SMYD3: variants seen among roughly 807,000 people sequenced by gnomAD.
The protein encoded by SMYD3 is SET and MYND domain containing 3, also known as histone-lysine N-methyltransferase SMYD3.
In SMYD3, 36 loss-of-function variants were observed where a neutral mutation model predicts 57.7. That is an observed-to-expected ratio of 0.62 (90% CI 0.48 to 0.82). SMYD3 has a LOEUF of 0.82. Ranked by LOEUF, SMYD3 falls within the 40% of genes least tolerant of loss-of-function variation. SMYD3 has a pLI of 0.00. For missense variants in SMYD3, 515 were observed against 538.8 expected (o/e 0.96, Z 0.44); for synonymous variants, 211 against 195.0 (o/e 1.08, Z -0.68).
chr1:246,021,450 G>A (rs2059469401), intron 5 of SMYD3, among the ~76,000 whole-genome samples: 2 of 152,150 alleles, frequency 1.3e-5, no homozygotes, highest in African/African-American at 4.8e-5. Flanking sequence ...GTTAAGTAAT[G>A]GGAGGTGAGG....
At chr1:246,016,310 C>A (rs1019927768) in intron 5 of SMYD3, among the ~76,000 whole-genome samples, 50 of 151,614 alleles carry the variant, frequency 3.3e-4, no homozygotes, top group African/African-American at 1.1e-3. Flanking sequence ...TGGCTGGGCG[C>A]GGTGGCTCAT....
chr1:246,132,691 A>C (rs1300247047), intron 5 of SMYD3, among the ~76,000 whole-genome samples: 2 of 152,152 alleles, frequency 1.3e-5, no homozygotes, highest in Non-Finnish European at 2.9e-5. Flanking sequence ...CATTGTGAAA[A>C]AGCAATCCAT....
At chr1:246,292,383 CT>C (rs996184996) in intron 5 of SMYD3, among the ~76,000 whole-genome samples, 4 of 151,968 alleles carry the variant, frequency 2.6e-5, no homozygotes, top group Admixed American at 1.3e-4. Context: ...CTTAGACTTA[CT>C]ATCCTACACA....
intron 5 of SMYD3, among the ~76,000 whole-genome samples, chr1:246,290,401 T>C (rs2064666364): frequency 6.6e-6 from 1 of 152,186 alleles, no homozygotes; most frequent in Admixed American, 6.5e-5. Flanking sequence ...GGAAGAGATA[T>C]ATGGTTAATT....
chr1:245,823,728 T>C (rs996675469), intron 10 of SMYD3, among the ~76,000 whole-genome samples: 1 of 152,170 alleles, frequency 6.6e-6, no homozygotes, highest in African/African-American at 2.4e-5. Context: ...TGCTCTCTCA[T>C]TGGGCAGAAG....
At chr1:246,060,162 T>C (rs1245886058) in intron 5 of SMYD3, among the ~76,000 whole-genome samples, 1 of 151,854 alleles carries the variant, frequency 6.6e-6, no homozygotes, top group Non-Finnish European at 1.5e-5. Context: ...GTGGCACACA[T>C]CTGTAGTCCC....
chr1:246,363,617 T>C (rs996474883), intron 1 of SMYD3, among the ~76,000 whole-genome samples: 9 of 152,144 alleles, frequency 5.9e-5, no homozygotes, highest in African/African-American at 2.2e-4. Flanking sequence ...ATCTGTGACC[T>C]TACCCCCCAA....
At chr1:246,357,346 T>C (rs1486107073) in intron 1 of SMYD3, among the ~76,000 whole-genome samples, 1 of 152,150 alleles carries the variant, frequency 6.6e-6, no homozygotes, top group African/African-American at 2.4e-5. Flanking sequence ...GTCCTCACTG[T>C]TACACTCCCA....
chr1:246,347,089 C>A (rs1161454747), intron 2 of SMYD3, among the ~76,000 whole-genome samples: 2 of 151,568 alleles, frequency 1.3e-5, no homozygotes, highest in African/African-American at 4.9e-5. Context: ...AATCTCTGAG[C>A]TGAAATTATC....
intron 5 of SMYD3, among the ~76,000 whole-genome samples, chr1:246,088,531 A>C (rs1489561078): frequency 1.5e-5 from 2 of 133,824 alleles, no homozygotes; most frequent in Admixed American, 7.4e-5. Context: ...AATGGCGTGA[A>C]CCCAGGAGGC....
chr1:245,773,077 T>G (rs1024117884), intron 10 of SMYD3, among the ~76,000 whole-genome samples: 177 of 78,564 alleles, frequency 2.3e-3, no homozygotes, highest in African/African-American at 5.5e-3. Context: ...GGGTTGGGGG[T>G]GGGGAGAATC....
intron 5 of SMYD3, among the ~76,000 whole-genome samples, chr1:246,201,879 G>A (rs1302498836): frequency 6.6e-6 from 1 of 152,006 alleles, no homozygotes; most frequent in East Asian, 1.9e-4. Flanking sequence ...TGGGCGTGGT[G>A]GCTCATGCCT....
intron 10 of SMYD3, among the ~76,000 whole-genome samples, chr1:245,844,765 C>A (rs1286155948): frequency 2.0e-5 from 3 of 151,934 alleles, no homozygotes; most frequent in African/African-American, 7.3e-5. Flanking sequence ...ACGGCTCCAA[C>A]ATGAAGCCAC....
intron 5 of SMYD3, among the ~76,000 whole-genome samples, chr1:246,255,286 T>A (rs2063863032): frequency 6.6e-6 from 1 of 150,746 alleles, no homozygotes; most frequent in African/African-American, 2.4e-5. Flanking sequence ...GATCTTATTA[T>A]TTTGATGGAT....
chr1:246,086,916 C>T (rs1417575402), intron 5 of SMYD3, among the ~76,000 whole-genome samples: 1 of 152,002 alleles, frequency 6.6e-6, no homozygotes, highest in African/African-American at 2.4e-5. Context: ...TGTGTTGTTC[C>T]CCTCCCTGTG....
intron 5 of SMYD3, among the ~76,000 whole-genome samples, chr1:246,061,782 C>G (rs1405712229): frequency 1.3e-5 from 2 of 152,058 alleles, no homozygotes; most frequent in African/African-American, 4.8e-5. Context: ...AACCCAGAAA[C>G]AGTGATGTGA....
intron 5 of SMYD3, among the ~76,000 whole-genome samples, chr1:245,948,066 C>A (rs2057487403): frequency 1.3e-5 from 2 of 152,122 alleles, no homozygotes; most frequent in South Asian, 4.1e-4. Flanking sequence ...TTCGCCAGAA[C>A]CTCGGTACTC....
chr1:246,192,748 A>G (rs1009746054), intron 5 of SMYD3, among the ~76,000 whole-genome samples: 1 of 152,218 alleles, frequency 6.6e-6, no homozygotes, highest in Non-Finnish European at 1.5e-5. Context: ...TAAATATGAG[A>G]CTAAATGTAT....
At chr1:246,362,613 G>A (rs1044515539) in intron 1 of SMYD3, among the ~76,000 whole-genome samples, 10 of 152,256 alleles carry the variant, frequency 6.6e-5, no homozygotes, top group African/African-American at 9.6e-5. Flanking sequence ...GGCGCGCACC[G>A]CCACGCCTGA....
Sources: allele counts gnomAD v4.1 joint callset (sites outside exome capture counted in the v4.1 genomes callset), GRCh38; gene constraint gnomAD v4.1.1; transcripts MANE v1.5; gene names NCBI Gene and HGNC (gene_info 2026-07-23, HGNC 2026-07-21).